Variants in MOBP observed in about 807,000 individuals in gnomAD.
MOBP encodes the protein myelin associated oligodendrocyte basic protein, also known as myelin-associated oligodendrocyte basic protein.
In MOBP, 5 loss-of-function variants were observed where a neutral mutation model predicts 15.0. That is an observed-to-expected ratio of 0.33 (90% CI 0.17 to 0.70). The LOEUF (loss-of-function observed/expected upper bound fraction) is 0.70. Ranked by LOEUF, MOBP falls within the 30% of genes least tolerant of loss-of-function variation. MOBP has a pLI of 0.67. For synonymous variants in MOBP, 88 were observed against 99.0 expected, an observed-to-expected ratio of 0.89 and a Z score of 0.66; for missense variants, 188 against 257.8, an observed-to-expected ratio of 0.73 and a Z score of 1.85.
At position 39,521,634 on chromosome 3, in the gene MOBP, C is replaced by T. The variant is rs185913462; in HGVS notation, c.*259-2609C>T. The stretch of plus-strand genomic sequence containing the variant: ...GTCTACTCATCACAAGTGTTGCTGG[C>T]CAACAGGGTTAATATTTGCTGACTG... On this transcript the variant is annotated intron_variant and NMD_transcript_variant, in intron 3 of 4. Coordinates refer to the MOBP transcript ENST00000424090. Among the ~76,000 whole-genome samples, 5 of 152,142 alleles carry T rather than the reference C, an allele frequency of 3.3e-5. No individual in the cohort carries two copies. The East Asian group carries it at 7.7e-4, about 24-fold the overall frequency.
At chr3:39,498,455 A>AT (rs2042918142) in intron 2 of MOBP, among the ~76,000 whole-genome samples, 2 of 152,036 alleles carry the variant, frequency 1.3e-5, no homozygotes, top group East Asian at 3.9e-4. Context: ...GGTTCCAGCG[A>AT]TTCTCTTGCC....
At chr3:39,470,861 C>T (rs1174711523) in intron 1 of MOBP, among the ~76,000 whole-genome samples, 1 of 152,180 alleles carries the variant, frequency 6.6e-6, no homozygotes, top group Non-Finnish European at 1.5e-5. Context: ...AAGTTATTCA[C>T]TAGTTCCTTA....
At chr3:39,468,961 TATG>T (rs758526454) in intron 1 of MOBP, among the ~76,000 whole-genome samples, 9 of 112,964 alleles carry the variant, frequency 8.0e-5, no homozygotes, top group Non-Finnish European at 1.5e-4. Flanking sequence ...CATATATACA[TATG>T]TGTGTGTATA....
chr3:39,495,389 G>A (rs2042863501), intron 2 of MOBP, among the ~76,000 whole-genome samples: 2 of 152,012 alleles, frequency 1.3e-5, no homozygotes, highest in South Asian at 4.2e-4. Context: ...AGCTGAAGTT[G>A]CACAATGGAA....
At chr3:39,500,901 A>C (rs1363873649) in intron 2 of MOBP, among the ~76,000 whole-genome samples, 1 of 152,244 alleles carries the variant, frequency 6.6e-6, no homozygotes, top group African/African-American at 2.4e-5. Context: ...TGATAAAATC[A>C]AGTGAAACAT....
intron 1 of MOBP, among the ~76,000 whole-genome samples, chr3:39,477,218 T>A (rs182235332): frequency 2.6e-5 from 4 of 152,222 alleles, no homozygotes; most frequent in Admixed American, 2.0e-4. Context: ...TTAGCAAAAA[T>A]TTTTAAGGGG....
downstream of MOBP, among the ~76,000 whole-genome samples, chr3:39,519,458 GATGCCTTGCTGACACTTCATT>G (rs1351086783): frequency 6.7e-6 from 1 of 150,108 alleles, no homozygotes; most frequent in Non-Finnish European, 1.5e-5. Context: ...TCTTCCAGCT[GATGCCTTGCTGACACTTCATT>G]ATTTGGCTTA....
At chr3:39,528,942 C>T (rs2125679625), downstream of MOBP, 1 of 152,316 alleles carries the variant, frequency 6.6e-6, no homozygotes, top group Middle Eastern at 3.4e-3. Context: ...GCCATTTATC[C>T]AACAGTGCTT....
chr3:39,481,970 T>C (rs960441433), intron 2 of MOBP, among the ~76,000 whole-genome samples: 3 of 152,208 alleles, frequency 2.0e-5, no homozygotes, highest in Non-Finnish European at 2.9e-5. Flanking sequence ...CTCTCATGGC[T>C]TCAATTGCTA....
chr3:39,479,966 C>T (rs1312560938), intron 1 of MOBP, 74 bp from the exon 2 acceptor site: 1 of 150,328 alleles, frequency 6.7e-6, no homozygotes, highest in Non-Finnish European at 1.5e-5. Flanking sequence ...ATGTATAACA[C>T]ACTTGAATTA....
downstream of MOBP, chr3:39,524,905 A>C (rs2043306947): frequency 6.6e-6 from 1 of 152,204 alleles, no homozygotes; most frequent in Non-Finnish European, 1.5e-5. Flanking sequence ...TAGATAGATA[A>C]ATTTAGAGGA....
intron 1 of MOBP, among the ~76,000 whole-genome samples, chr3:39,478,597 C>T (rs1368226192): frequency 2.0e-5 from 3 of 152,104 alleles, no homozygotes; most frequent in Non-Finnish European, 4.4e-5. Context: ...TCTCCTTGGA[C>T]TCTTTTTTTC....
downstream of MOBP, chr3:39,529,163 A>G (rs755603864): frequency 2.0e-5 from 3 of 152,230 alleles, no homozygotes; most frequent in Non-Finnish European, 2.9e-5. Context: ...TATCAAAGAG[A>G]AAAACAGTAT....
At chr3:39,520,231 C>T (rs995909320), downstream of MOBP, among the ~76,000 whole-genome samples, 4 of 152,166 alleles carry the variant, frequency 2.6e-5, no homozygotes, top group East Asian at 3.9e-4. Context: ...ATTCTGTCTC[C>T]AAGTCTCTCT....
At chr3:39,518,538 G>A (rs748383974), downstream of MOBP, among the ~76,000 whole-genome samples, 6 of 152,000 alleles carry the variant, frequency 3.9e-5, no homozygotes, top group Non-Finnish European at 7.3e-5. Flanking sequence ...GAAAGAAAGA[G>A]CTCTTGGGCC....
chr3:39,489,792 C>T (rs751363565), intron 2 of MOBP, among the ~76,000 whole-genome samples: 7 of 152,098 alleles, frequency 4.6e-5, no homozygotes, highest in Admixed American at 3.3e-4. Context: ...GCCACATTGA[C>T]GGTTAACTGG....
At chr3:39,497,871 A>G (rs1475426181) in intron 2 of MOBP, among the ~76,000 whole-genome samples, 5 of 152,168 alleles carry the variant, frequency 3.3e-5, no homozygotes, top group Admixed American at 6.5e-5. Context: ...GTCAGAAAAC[A>G]TCGATGGACA....
At chr3:39,494,795 C>T (rs867838450) in intron 2 of MOBP, among the ~76,000 whole-genome samples, 1 of 110,492 alleles carries the variant, frequency 9.1e-6, no homozygotes, top group Admixed American at 1.0e-4. Context: ...CCCCCCCGCC[C>T]CCCGAGTTAC....
chr3:39,495,570 A>AG (rs2042866373), intron 2 of MOBP, among the ~76,000 whole-genome samples: 1 of 151,688 alleles, frequency 6.6e-6, no homozygotes, highest in Non-Finnish European at 1.5e-5. Flanking sequence ...ACTTGAGCCC[A>AG]GGGAGAGCCT....
Sources: gnomAD v4.1 joint callset for allele counts (sites outside exome capture counted in the v4.1 genomes callset) on GRCh38, gnomAD v4.1.1 for gene constraint, MANE v1.5 for transcripts, NCBI Gene and HGNC (gene_info 2026-07-23, HGNC 2026-07-21) for gene names.